Variants in TUBGCP3 observed in about 807,000 individuals in gnomAD.
TUBGCP3 encodes gamma-tubulin complex component 3.
A neutral mutation model predicts 123.1 loss-of-function variants in TUBGCP3; 50 were observed. The ratio of observed to expected loss-of-function variants is 0.41; its 90% CI spans 0.32 to 0.51. TUBGCP3 has a LOEUF of 0.51. Among genes scored for constraint, TUBGCP3 ranks in the 20% least tolerant of loss-of-function variants. TUBGCP3 has a pLI of 0.36. For synonymous variants in TUBGCP3, 405 were observed against 413.9 expected (o/e 0.98, Z 0.26); for missense variants, 882 against 1,127.0 (o/e 0.78, Z 3.11).
rs145687127 is a variant in TUBGCP3, at chr13:112,521,410, A to G, written c.1745+910T>C. Among the ~76,000 whole-genome samples the G allele has an allele frequency of 1.5e-3, 232 of 152,330 alleles. 1 individual carries two copies. The highest frequency in any genetic ancestry group is 5.1e-3 in the African/African-American group (214 of 41,580). On this transcript the variant is annotated intron_variant, in intron 14 of 21. Coordinates refer to ENST00000261965, the MANE Select transcript of TUBGCP3 (RefSeq NM_006322.6). ...ATGTAAGAGCCTGCATGTCTCAAACAGTGCTTCTCAATGTGTAGTCCCCAC... is the reference window on the plus strand; with the variant it reads ...ATGTAAGAGCCTGCATGTCTCAAACGGTGCTTCTCAATGTGTAGTCCCCAC...
chr13:112,502,539 CTTCT>C (rs1291061793), intron 19 of TUBGCP3, among the ~76,000 whole-genome samples: 1 of 129,872 alleles, frequency 7.7e-6, no homozygotes, highest in African/African-American at 3.1e-5. Context: ...AAGTACATTT[CTTCT>C]TTTTTTTTTT....
At chr13:112,561,217 G>A (rs1436982570) in intron 3 of TUBGCP3, among the ~76,000 whole-genome samples, 1 of 152,218 alleles carries the variant, frequency 6.6e-6, no homozygotes, top group African/African-American at 2.4e-5. Context: ...GCAATGCAGT[G>A]AGCCGAGTGT....
At chr13:112,592,942 C>CT (rs1396240781), upstream of TUBGCP3, among the ~76,000 whole-genome samples, 1 of 152,218 alleles carries the variant, frequency 6.6e-6, no homozygotes, top group East Asian at 1.9e-4. This position sits in a 1 kb window ranked among gnomAD's most constrained non-coding sequence, Gnocchi z 4.1. Flanking sequence ...CATTCCAACT[C>CT]TGTTTCAATA....
intron 1 of TUBGCP3, among the ~76,000 whole-genome samples, chr13:112,581,977 C>G (rs1371348702): frequency 6.6e-6 from 1 of 152,134 alleles, no homozygotes; most frequent in Non-Finnish European, 1.5e-5. Flanking sequence ...TGTCCTCTTA[C>G]CAACCAAATT....
At chr13:112,581,823 AC>A (rs1266137158) in intron 1 of TUBGCP3, among the ~76,000 whole-genome samples, 4 of 152,140 alleles carry the variant, frequency 2.6e-5, no homozygotes, top group Non-Finnish European at 5.9e-5. Context: ...TGTTTTATAT[AC>A]TTTTCAACTT....
chr13:112,564,573 T>C (rs1030724814), intron 3 of TUBGCP3, among the ~76,000 whole-genome samples: 10 of 152,102 alleles, frequency 6.6e-5, no homozygotes, highest in Admixed American at 6.5e-4. Context: ...CCCAGCTACT[T>C]GGGAGGCCCA....
chr13:112,532,478 C>G (rs372869786), intron 11 of TUBGCP3, among the ~76,000 whole-genome samples: 7 of 152,170 alleles, frequency 4.6e-5, no homozygotes, highest in African/African-American at 1.7e-4. Flanking sequence ...TTTAACTTGA[C>G]CCATCTTTTC....
chr13:112,589,581 A>G (rs571214532), upstream of TUBGCP3, among the ~76,000 whole-genome samples: 2 of 152,382 alleles, frequency 1.3e-5, no homozygotes, highest in South Asian at 4.1e-4. Context: ...GTATGCTTAT[A>G]GAGTAGCTCA....
At chr13:112,517,095 C>T (rs560288563) in intron 16 of TUBGCP3, among the ~76,000 whole-genome samples, 6 of 152,312 alleles carry the variant, frequency 3.9e-5, no homozygotes, top group African/African-American at 1.4e-4. Context: ...CAGCTCACTG[C>T]AACCTCCGCC....
At chr13:112,585,530 G>A (rs1198687590) in intron 1 of TUBGCP3, among the ~76,000 whole-genome samples, 10 of 151,888 alleles carry the variant, frequency 6.6e-5, no homozygotes, top group Non-Finnish European at 1.3e-4. Context: ...GAGGCCAAGC[G>A]GCAGGGGGGT....
intron 3 of TUBGCP3, among the ~76,000 whole-genome samples, chr13:112,559,872 C>T (rs569778847): frequency 2.6e-5 from 4 of 152,340 alleles, no homozygotes; most frequent in East Asian, 3.9e-4. Flanking sequence ...CAGGGGCTCA[C>T]GCCTGTAATC....
chr13:112,565,753 T>C (rs1005754174), intron 2 of TUBGCP3, among the ~76,000 whole-genome samples: 1 of 152,138 alleles, frequency 6.6e-6, no homozygotes, highest in African/African-American at 2.4e-5. Flanking sequence ...GCTAACACGG[T>C]GAAACCGAGT....
chr13:112,516,402 G>C (rs1323085857), intron 17 of TUBGCP3, 38 bp downstream of exon 17: 7 of 1,532,344 alleles, frequency 4.6e-6, no homozygotes, highest in Admixed American at 2.0e-5. Context: ...GAGGCCGCTG[G>C]GAGTGTGTGC....
chr13:112,491,044 G>A (rs534395104), intron 20 of TUBGCP3, among the ~76,000 whole-genome samples: 8 of 152,138 alleles, frequency 5.3e-5, no homozygotes, highest in South Asian at 2.1e-4. Context: ...TTCTCCTCCC[G>A]CTACCTCTCA....
chr13:112,553,212 C>T (rs1478055227), intron 8 of TUBGCP3, among the ~76,000 whole-genome samples: 1 of 150,614 alleles, frequency 6.6e-6, no homozygotes, highest in Non-Finnish European at 1.5e-5. Context: ...CCACCGGCCA[C>T]GTTCCTGCCC....
rs1184611467 is a variant in TUBGCP3, at chr13:112,527,047, G to A, written c.1450C>T (p.Leu484Phe). Residue 484 changes from leucine to phenylalanine, a missense_variant, in exon 13 of 22, where the codon CTT (leucine) becomes TTT (phenylalanine). By Grantham distance (22) the Leu-to-Phe change is conservative. Transcript: ENST00000261965. The stretch of plus-strand genomic sequence containing the variant: ...AAATTTATTGATTTTCCTATCAAAA[G>A]GACCTAAAAAGAAAAACATTCTATG... ...FMTMDQSRKV[L>F]LIGKSINFLH... 1 of 1,612,142 alleles carries A rather than the reference G, an allele frequency of 6.2e-7. No homozygotes were observed. Among genetic ancestry groups the A allele is most frequent in the East Asian group, 2.2e-5 (1 of 44,858 alleles).
At chr13:112,576,994 A>G (rs1183909678) in intron 1 of TUBGCP3, among the ~76,000 whole-genome samples, 1 of 146,032 alleles carries the variant, frequency 6.8e-6, no homozygotes, top group Non-Finnish European at 1.6e-5. Flanking sequence ...TTAAAAAAAA[A>G]AAAGAAAAAA....
rs776852593 is a variant in TUBGCP3 at position 112,545,808 on chromosome 13, G to C, written c.1226C>G (p.Pro409Arg). Residue 409 changes from proline to arginine, a missense_variant, in exon 11 of 22, where the codon CCG becomes CGG. Transcript: ENST00000261965. The surrounding 1 kb of genome is among the most constrained non-coding windows in gnomAD (Gnocchi z 4.1). Reference protein sequence around the residue: ...AVHAYTKTGDPYMRSLVQHIL... With the variant: ...AVHAYTKTGDRYMRSLVQHIL... ...GTGCTGCACCAGAGACCGCATGTACGGGTCTCCTGTTTTTGTGTAGGCGTG... is the reference window on the plus strand; with the variant it reads ...GTGCTGCACCAGAGACCGCATGTACCGGTCTCCTGTTTTTGTGTAGGCGTG... The C allele has an allele frequency of 6.2e-7, 1 of 1,614,106 alleles. No individual in the cohort carries two copies. The highest frequency in any genetic ancestry group is 1.1e-5 in the South Asian group (1 of 91,084).
intron 20 of TUBGCP3, among the ~76,000 whole-genome samples, chr13:112,491,152 C>T (rs983233892): frequency 2.6e-5 from 4 of 152,176 alleles, no homozygotes; most frequent in Admixed American, 1.3e-4. Flanking sequence ...CACTGATTTT[C>T]GCTCTCATCT....
Sources: gnomAD v4.1 joint callset for allele counts (sites outside exome capture counted in the v4.1 genomes callset) on GRCh38, gnomAD v4.1.1 for gene constraint, Gnocchi (gnomAD v3.1) non-coding constraint, MANE v1.5 for transcripts, NCBI Gene and HGNC (gene_info 2026-07-23, HGNC 2026-07-21) for gene names.